Variants in CACNA1C observed in about 807,000 individuals in gnomAD.
CACNA1C encodes calcium voltage-gated channel subunit alpha1 C.
In CACNA1C, 30 loss-of-function variants were observed where a neutral mutation model predicts 229.0. The observed-to-expected ratio is 0.13, with a 90% CI of 0.10 to 0.18. The LOEUF is 0.18. Ranked by LOEUF, CACNA1C falls within the 10% of genes least tolerant of loss-of-function variation. CACNA1C has a pLI of 1.00. For missense variants in CACNA1C, 1,658 were observed against 2,845.0 expected (o/e 0.58, Z 9.49); for synonymous variants, 1,114 against 1,132.5 (o/e 0.98, Z 0.33).
At chr12:2,256,192 C>G (rs1228825466) in intron 3 of CACNA1C, among the ~76,000 whole-genome samples, 1 of 152,110 alleles carries the variant, frequency 6.6e-6, no homozygotes, top group Non-Finnish European at 1.5e-5. Context: ...CTAGATCAGA[C>G]TACCTGGAGG....
At chr12:2,234,775 A>G (rs1055021838) in intron 3 of CACNA1C, among the ~76,000 whole-genome samples, 5 of 152,162 alleles carry the variant, frequency 3.3e-5, no homozygotes, top group Admixed American at 6.5e-5. Flanking sequence ...GCTGACCTAC[A>G]TAGCTTAACT....
At chr12:2,171,451 T>C (rs2096475952) in intron 3 of CACNA1C, among the ~76,000 whole-genome samples, 1 of 152,118 alleles carries the variant, frequency 6.6e-6, no homozygotes, top group African/African-American at 2.4e-5. Context: ...TCCGTCAAGA[T>C]GAGTCCATGG....
intron 11 of CACNA1C, among the ~76,000 whole-genome samples, chr12:2,557,731 G>A (rs1380332553): frequency 6.6e-6 from 1 of 152,188 alleles, no homozygotes; most frequent in African/African-American, 2.4e-5. Flanking sequence ...GAGTTACTCA[G>A]CTCCCCCTTC....
At chr12:2,219,155 G>A (rs1294854702) in intron 3 of CACNA1C, among the ~76,000 whole-genome samples, 3 of 152,186 alleles carry the variant, frequency 2.0e-5, no homozygotes, top group Non-Finnish European at 2.9e-5. Context: ...GGTCATAAGC[G>A]CCATGGCTGC....
chr12:2,211,638 G>A (rs1442407972), intron 3 of CACNA1C, among the ~76,000 whole-genome samples: 3 of 151,990 alleles, frequency 2.0e-5, no homozygotes, highest in African/African-American at 7.2e-5. Context: ...GGGCTTGGGG[G>A]GACATGAGCA....
intron 3 of CACNA1C, among the ~76,000 whole-genome samples, chr12:2,404,170 A>G (rs556157786): frequency 6.6e-6 from 1 of 152,322 alleles, no homozygotes; most frequent in Non-Finnish European, 1.5e-5. Flanking sequence ...GCCTGTAGCA[A>G]GGAGAGTAAT....
At chr12:2,229,690 G>T (rs1484374353) in intron 3 of CACNA1C, among the ~76,000 whole-genome samples, 2 of 152,154 alleles carry the variant, frequency 1.3e-5, no homozygotes, top group African/African-American at 4.8e-5. Context: ...GGTCAGCAGG[G>T]TAGACTGACA....
At chr12:2,315,656 G>A (rs569090422) in intron 3 of CACNA1C, among the ~76,000 whole-genome samples, 13 of 152,324 alleles carry the variant, frequency 8.5e-5, no homozygotes, top group African/African-American at 2.9e-4. Context: ...CCCTTGAAGG[G>A]CTTGGGGGAA....
intron 5 of CACNA1C, among the ~76,000 whole-genome samples, chr12:2,478,872 A>T (rs1454385924): frequency 2.6e-5 from 4 of 152,224 alleles, no homozygotes; most frequent in African/African-American, 7.2e-5. Context: ...AAGATGCACA[A>T]GTGAATGATG....
At position 2,597,156 on chromosome 12, in the gene CACNA1C, C is replaced by T; in HGVS notation, c.2794-74C>T. ...TGTGGCCCCTTTTCTGGTGAACATC[C>T]ACTGACCTCTCTTCCCGTCCTGCTT... On this transcript the variant is annotated intron_variant, in intron 20 of 46. Transcript: ENST00000399655. The surrounding 1 kb of genome is among the most constrained non-coding windows in gnomAD (Gnocchi z 4.3). The T allele has an allele frequency of 1.1e-6, 1 of 928,084 alleles. No individual in the cohort carries two copies. The highest frequency in any genetic ancestry group is 2.4e-5 in the East Asian group (1 of 41,632). 57.5% of individuals were successfully genotyped at this position (928,084 alleles called of 1,614,324 possible).
chr12:2,690,907 T>C lies in CACNA1C; in HGVS notation c.6125T>C (p.Ile2042Thr). 1 of 1,572,530 alleles carries C rather than the reference T, an allele frequency of 6.4e-7. No homozygotes were observed. Among genetic ancestry groups the C allele is most frequent in the Admixed American group, 1.8e-5 (1 of 56,026 alleles). The change falls in exon 47 of 47, where the codon ATT becomes ACT. Residue 2042 changes from isoleucine to threonine, a missense_variant. By Grantham distance (89) the Ile-to-Thr change is moderately conservative (BLOSUM62 -1). Around this residue, in one of 20 missense-constraint regions of CACNA1C, gnomAD observed 590 missense variants for 700.8 expected, o/e 0.84. Transcript: ENST00000399655. ...SASSLVEAVLISEGLGQFAQD... is the reference protein window; with the variant it reads ...SASSLVEAVLTSEGLGQFAQD... Reference sequence around the variant, plus strand: ...CCCACCCCGCTCCTTCAGGTCTTGATTTCAGAAGGACTGGGGCAGTTTGCT... The same window carrying C: ...CCCACCCCGCTCCTTCAGGTCTTGACTTCAGAAGGACTGGGGCAGTTTGCT...
At chr12:2,613,242 C>T (rs1299530013) in intron 29 of CACNA1C, 30 of 152,148 alleles carry the variant, frequency 2.0e-4, no homozygotes, top group Admixed American at 2.0e-3. Flanking sequence ...CTCAAAACGT[C>T]CCTTTAAAGT....
At chr12:2,327,631 A>G (rs3819530) in intron 3 of CACNA1C, among the ~76,000 whole-genome samples, 96,258 of 151,816 alleles carry the variant, frequency 0.63, 31,009 homozygotes, top group African/African-American at 0.72. Context: ...AGGAACTCGG[A>G]ATACGTGAAC....
intron 1 of CACNA1C, among the ~76,000 whole-genome samples, chr12:2,015,725 G>A (rs974392303): frequency 2.6e-5 from 4 of 152,196 alleles, no homozygotes; most frequent in Non-Finnish European, 4.4e-5. Flanking sequence ...TCAAACAGCA[G>A]GCAGAATGGA....
chr12:2,129,622 C>A (rs2091581908), intron 3 of CACNA1C, among the ~76,000 whole-genome samples: 1 of 152,134 alleles, frequency 6.6e-6, no homozygotes, highest in South Asian at 2.1e-4. Context: ...TCCCTGGATC[C>A]TTAAAAGAAA....
chr12:1,991,051 G>A lies in CACNA1C; in HGVS notation c.139+19850G>A, dbSNP rs1486855408. 1.3e-5 allele frequency: 6 copies of A among 451,232 alleles called. No individual in the cohort carries two copies. The East Asian group carries it at 2.8e-4, about 21-fold the overall frequency. 28.0% of individuals were successfully genotyped at this position (451,232 alleles called of 1,614,324 possible). A position where few individuals can be genotyped will look rare whatever the true frequency, so the allele number is the denominator to read the frequency against. ...GATCCATTCCCTTTCACTCTTTGTT[G>A]TTCAACTGATTCTATTTCTTTTGTA... On this transcript the variant is annotated intron_variant, in intron 1 of 46. Transcript: ENST00000682462.
intron 1 of CACNA1C, among the ~76,000 whole-genome samples, chr12:2,045,174 G>C (rs368718869): frequency 6.6e-6 from 1 of 152,182 alleles, no homozygotes; most frequent in Admixed American, 6.5e-5. Context: ...TCTTAGGACC[G>C]TGTTTTGAAA....
At chr12:2,311,879 G>A (rs1048452636) in intron 3 of CACNA1C, among the ~76,000 whole-genome samples, 2 of 152,166 alleles carry the variant, frequency 1.3e-5, no homozygotes, top group African/African-American at 2.4e-5. Context: ...TAATGCCACC[G>A]AACTGTAAAC....
intron 3 of CACNA1C, among the ~76,000 whole-genome samples, chr12:2,230,114 C>T (rs776918377): frequency 6.0e-5 from 9 of 149,372 alleles, no homozygotes; most frequent in African/African-American, 2.0e-4. Context: ...CTCGTGGTGG[C>T]GCGGCCCTCG....
Sources: allele counts gnomAD v4.1 joint callset (sites outside exome capture counted in the v4.1 genomes callset), GRCh38; gene constraint gnomAD v4.1.1; regional missense constraint gnomAD v4.1.1; non-coding constraint Gnocchi (gnomAD v3.1); transcripts MANE v1.5; gene names NCBI Gene and HGNC (gene_info 2026-07-23, HGNC 2026-07-21).